Variants in IARS2 observed in about 807,000 individuals in gnomAD.
IARS2 encodes isoleucyl-tRNA synthetase 2, mitochondrial.
Under a neutral mutation model 126.3 loss-of-function variants are expected in IARS2, and 56 were observed. That is an observed-to-expected ratio of 0.44 (90% CI 0.36 to 0.55). IARS2 has a LOEUF of 0.55. Ranked by LOEUF, IARS2 falls within the 20% of genes least tolerant of loss-of-function variation. The pLI is 0.00. For missense variants in IARS2, 1,127 were observed against 1,245.9 expected (o/e 0.90, Z 1.44); for synonymous variants, 407 against 441.1 (o/e 0.92, Z 0.97).
intron 14 of IARS2, among the ~76,000 whole-genome samples, chr1:220,131,351 T>A (rs1262763875): frequency 6.6e-6 from 1 of 152,024 alleles, no homozygotes; most frequent in African/African-American, 2.4e-5. Context: ...TAATTTTAAT[T>A]AATTAATTAA....
Position 220,102,247 on chromosome 1 carries a change from G to T in IARS2, c.669G>T (p.Gln223His). The T allele has an allele frequency of 6.2e-7, 1 of 1,608,958 alleles. No homozygotes were observed. The highest frequency in any genetic ancestry group is 8.5e-7 in the Non-Finnish European group (1 of 1,178,890). Reference protein sequence around the residue: ...YTFDGKYEAKQLRTFYQMYDK... With the variant: ...YTFDGKYEAKHLRTFYQMYDK... Reference sequence around the variant, plus strand: ...TTGATGGGAAGTATGAAGCCAAACAGTTGAGAACTTTTTACCAAATGTATG... The same window carrying T: ...TTGATGGGAAGTATGAAGCCAAACATTTGAGAACTTTTTACCAAATGTATG... Residue 223 changes from glutamine to histidine, a missense_variant, in exon 4 of 23, where the codon CAG becomes CAT. By Grantham distance (24) the Gln-to-His change is conservative. Transcript: ENST00000366922.
At chr1:220,120,528 C>T (rs1407018272) in intron 12 of IARS2, among the ~76,000 whole-genome samples, 1 of 152,014 alleles carries the variant, frequency 6.6e-6, no homozygotes, top group Non-Finnish European at 1.5e-5. Flanking sequence ...AGTCACGCAC[C>T]ACCATACCTG....
chr1:220,137,807 G>A, intron 16 of IARS2, 111 bp from the exon 17 acceptor site: 2 of 1,163,074 alleles, frequency 1.7e-6, no homozygotes, highest in Non-Finnish European at 1.3e-6. Context: ...AGTATAGTTT[G>A]TACTTACATT....
At chr1:220,099,442 A>G (rs998752227) in intron 2 of IARS2, among the ~76,000 whole-genome samples, 2 of 152,204 alleles carry the variant, frequency 1.3e-5, no homozygotes, top group African/African-American at 2.4e-5. Flanking sequence ...GAAATCAGGT[A>G]TATATTTTAT....
Position 220,126,799 on chromosome 1 carries a change from A to G in IARS2, c.1793A>G (p.Asp598Gly). The G allele has an allele frequency of 1.2e-6, 2 of 1,613,420 alleles. No homozygotes were observed. The highest frequency in any genetic ancestry group is 1.7e-6 in the Non-Finnish European group (2 of 1,179,884). Residue 598 changes from aspartate (D) to glycine (G), a missense_variant, in exon 14 of 23, where the codon GAC (aspartate) becomes GGC (glycine). By Grantham distance (94) the Asp-to-Gly change is moderately conservative. Transcript: ENST00000366922. ...LEYVPGQDIL[D>G]IWFDSGTSWS... ...TATGTGCCAGGTCAGGATATTTTGG[A>G]CATCTGGTTTGATAGCGGAACTTCA... is the stretch of plus-strand genomic sequence containing the variant.
At chr1:220,146,160 T>G (rs1657582470) in intron 22 of IARS2, among the ~76,000 whole-genome samples, 1 of 152,180 alleles carries the variant, frequency 6.6e-6, no homozygotes, top group Non-Finnish European at 1.5e-5. Flanking sequence ...CGATATTTGT[T>G]TTATAGAAGA....
chr1:220,100,278 C>T (rs542478676), intron 2 of IARS2, among the ~76,000 whole-genome samples: 1 of 152,164 alleles, frequency 6.6e-6, no homozygotes, highest in South Asian at 2.1e-4. Flanking sequence ...TAATATTAGA[C>T]TATTTGTGTC....
chr1:220,094,563 C>G lies in IARS2; in HGVS notation c.267+80C>G, dbSNP rs1303926171. On this transcript the variant is annotated intron_variant, in intron 1 of 22. Coordinates refer to ENST00000366922, the MANE Select transcript of IARS2 (RefSeq NM_018060.4). ...CACCGGGCGCTCGCAGGCGCCACAC[C>G]TCTAGGCTCCACGCCGGTGCGGGTG... 12 of 1,208,414 alleles carry G rather than the reference C, an allele frequency of 9.9e-6. No homozygotes were observed. The East Asian group carries it at 1.1e-4, about 11-fold the overall frequency. 74.9% of individuals were successfully genotyped at this position (1,208,414 alleles called of 1,614,324 possible). A position where few individuals can be genotyped will look rare whatever the true frequency, so the allele number is the denominator to read the frequency against.
At chr1:220,101,665 C>T (rs1656574822) in intron 3 of IARS2, among the ~76,000 whole-genome samples, 1 of 149,874 alleles carries the variant, frequency 6.7e-6, no homozygotes, top group Non-Finnish European at 1.5e-5. Context: ...TCCGCCACTG[C>T]ATGCCAACCT....
At chr1:220,134,549 C>A in intron 15 of IARS2, 39 bp downstream of exon 15, 2 of 1,305,434 alleles carry the variant, frequency 1.5e-6, no homozygotes, top group South Asian at 1.2e-5. Context: ...TGAGTACCTG[C>A]CAGTGTGTGA....
At position 220,139,033 on chromosome 1, in the gene IARS2, T is replaced by C. The variant is rs1242914584; in HGVS notation, c.2201T>C (p.Leu734Ser). 1.9e-6 allele frequency: 3 copies of C among 1,613,738 alleles called. No individual in the cohort carries two copies. Among genetic ancestry groups the C allele is most frequent in the Non-Finnish European group, 2.5e-6 (3 of 1,179,784 alleles). ...SKLRNTLRFL[L>S]GNVADFNPET... ...CTTAGGAATACACTTCGCTTTCTTT[T>C]GGGAAATGTGGCTGATTTCAACCCA... The change falls in exon 18 of 23, where the codon TTG (leucine) becomes TCG (serine). Residue 734 changes from leucine to serine, a missense_variant. Coordinates refer to ENST00000366922, the MANE Select transcript of IARS2 (RefSeq NM_018060.4).
intron 22 of IARS2, among the ~76,000 whole-genome samples, chr1:220,145,962 G>A (rs988476095): frequency 7.9e-5 from 12 of 152,038 alleles, no homozygotes; most frequent in African/African-American, 2.9e-4. Flanking sequence ...CCTCTTTTGT[G>A]TCCCCCTGCT....
At position 220,138,049 on chromosome 1, in the gene IARS2, A is replaced by G. The variant is rs1317137207; in HGVS notation, c.2175+6A>G. 2 of 1,613,728 alleles carry G rather than the reference A, an allele frequency of 1.2e-6. No homozygotes were observed. The highest frequency in any genetic ancestry group is 1.7e-6 in the Non-Finnish European group (2 of 1,179,772). ...CCAGAGATGATATTAGCAAGGTTAG[A>G]ACTATTATTCTTCCTATTTCTAAAG... is the stretch of plus-strand genomic sequence containing the variant. On this transcript the variant is annotated splice_donor_region_variant and intron_variant, in intron 17 of 22. Transcript: ENST00000366922.
At chr1:220,117,184 CTT>C (rs1192537887) in intron 12 of IARS2, among the ~76,000 whole-genome samples, 13 of 48,464 alleles carry the variant, frequency 2.7e-4, no homozygotes, top group African/African-American at 6.8e-4. Context: ...GTCTCCTCTT[CTT>C]TTTTTTTTTT....
At chr1:220,142,677 G>A (rs761904611) in intron 20 of IARS2, among the ~76,000 whole-genome samples, 2 of 151,672 alleles carry the variant, frequency 1.3e-5, no homozygotes, top group Non-Finnish European at 2.9e-5. Flanking sequence ...GTTAATATTG[G>A]GATATTTCTA....
Position 220,100,639 on chromosome 1 carries a change from TAGAA to T in IARS2, c.547_550del (p.Lys183LeufsTer21), listed in dbSNP as rs754577516. ...CTCAGAATCTTTCAGCTATGGAAAT[TAGAA>T]AGAAAGGTAAATAATCTGTATTTCT... On this transcript the variant is annotated frameshift_variant, in exon 3 of 23. Transcript: ENST00000366922. LOFTEE classifies it high-confidence loss of function. 6.2e-7 allele frequency: 1 copy of T among 1,606,104 alleles called. No individual in the cohort carries two copies. Among genetic ancestry groups the T allele is most frequent in the South Asian group, 1.1e-5 (1 of 90,176 alleles).
At chr1:220,134,300 T>G (rs1657324766) in intron 14 of IARS2, 102 bp from the exon 15 acceptor site, 1 of 784,878 alleles carries the variant, frequency 1.3e-6, no homozygotes, top group African/African-American at 1.8e-5. Flanking sequence ...GTAAAGTTAC[T>G]TCCCTTCCTC....
intron 10 of IARS2, among the ~76,000 whole-genome samples, chr1:220,109,538 A>G (rs1656755262): frequency 6.6e-6 from 1 of 152,246 alleles, no homozygotes; most frequent in South Asian, 2.1e-4. Context: ...TAAGCTATTT[A>G]AGATTTCTCT....
At chr1:220,142,063 G>C in intron 20 of IARS2, 115 bp downstream of exon 20, 1 of 940,598 alleles carries the variant, frequency 1.1e-6, no homozygotes. Context: ...ACTGCTGTGT[G>C]ACACAGTGTG....
Sources: allele counts gnomAD v4.1 joint callset (sites outside exome capture counted in the v4.1 genomes callset), GRCh38; gene constraint gnomAD v4.1.1; transcripts MANE v1.5; gene names NCBI Gene and HGNC (gene_info 2026-07-23, HGNC 2026-07-21).